Variants in FGF13 observed in about 807,000 individuals in gnomAD.
The protein encoded by FGF13 is fibroblast growth factor homologous factor 2.
In FGF13, 2 loss-of-function variants were observed where a neutral mutation model predicts 19.5. The observed-to-expected ratio is 0.10, with a 90% CI of 0.04 to 0.32. The LOEUF (loss-of-function observed/expected upper bound fraction) is 0.32, where lower values mean the gene tolerates loss of function less well. Ranked by LOEUF, FGF13 falls within the 10% of genes least tolerant of loss-of-function variation. The probability of loss-of-function intolerance (pLI) is 1.00; values close to 1 mark genes in which losing one functional copy is unlikely to be tolerated. For synonymous variants in FGF13, 72 were observed against 76.9 expected, an observed-to-expected ratio of 0.94 and a Z score of 0.33; for missense variants, 113 against 192.7, an observed-to-expected ratio of 0.59 and a Z score of 2.45.
chrX:138,984,566 GA>G (rs1262049356), intron 1 of FGF13, among the ~76,000 whole-genome samples: 1 of 48,070 alleles, frequency 2.1e-5, no homozygotes, highest in African/African-American at 7.7e-5. Flanking sequence ...AGAAGAAGAA[GA>G]AGAAGAAGAA....
intron 3 of FGF13, among the ~76,000 whole-genome samples, chrX:138,760,756 C>T (rs1385700239): frequency 6.3e-5 from 7 of 111,921 alleles, no homozygotes; most frequent in Admixed American, 9.5e-5. Context: ...CTCCAGCTTT[C>T]TTTCCTCTTG....
intron 1 of FGF13, among the ~76,000 whole-genome samples, chrX:138,878,395 T>C (rs2091403819): frequency 9.9e-6 from 1 of 101,372 alleles, no homozygotes; most frequent in African/African-American, 3.7e-5. Context: ...AGTGAGAACA[T>C]GCGGTGTTTG....
intron 3 of FGF13, among the ~76,000 whole-genome samples, chrX:138,751,432 C>T (rs1265649152): frequency 9.0e-6 from 1 of 111,290 alleles, no homozygotes; most frequent in African/African-American, 3.3e-5. Context: ...TGGAGGGTAA[C>T]TCTATGTCTC....
intron 3 of FGF13, among the ~76,000 whole-genome samples, chrX:138,830,681 G>A (rs1335297311): frequency 1.2e-5 from 1 of 81,758 alleles, no homozygotes; most frequent in African/African-American, 4.9e-5. Context: ...GAGTGAAAAG[G>A]GGTGTTTGTG....
rs982738056 is a variant in FGF13, at chrX:138,620,341, C to T, written c.*12509G>A. On this transcript the variant is annotated 3_prime_UTR_variant, in exon 5 of 5. Transcript: ENST00000315930. ...GGGGGGTGGGGTGTGGGGAGAGATA[C>T]TATTAGGAAAAATAGCTAATGCATG... 1 of 110,769 alleles carries T rather than the reference C, an allele frequency of 9.0e-6. No individual in the cohort carries two copies. The highest frequency in any genetic ancestry group is 1.9e-5 in the Non-Finnish European group (1 of 52,874). The allele number at this position is 110,769 out of a possible 1,213,427, so 9.1% of individuals were successfully genotyped here. A position where few individuals can be genotyped will look rare whatever the true frequency, so the allele number is the denominator to read the frequency against.
At chrX:139,188,185 A>G (rs769933494) in intron 1 of FGF13, among the ~76,000 whole-genome samples, 3 of 111,746 alleles carry the variant, frequency 2.7e-5, no homozygotes, top group Non-Finnish European at 5.6e-5. Context: ...ACTCTTCCTC[A>G]TTGGTGTTTC....
intron 1 of FGF13, among the ~76,000 whole-genome samples, chrX:139,103,584 CAT>C (rs1440025960): frequency 1.8e-5 from 2 of 111,853 alleles, no homozygotes; most frequent in African/African-American, 3.2e-5. Flanking sequence ...TCTTTTTTGA[CAT>C]GTTAATGTTC....
At chrX:139,181,152 T>G (rs897579889) in intron 1 of FGF13, among the ~76,000 whole-genome samples, 1 of 112,263 alleles carries the variant, frequency 8.9e-6, no homozygotes. Flanking sequence ...GAAGCAGATG[T>G]GCAATAAAAT....
chrX:139,187,670 C>T (rs909955494), intron 1 of FGF13, among the ~76,000 whole-genome samples: 6 of 112,158 alleles, frequency 5.3e-5, no homozygotes, highest in Non-Finnish European at 9.4e-5. Flanking sequence ...GTTTTGTTCA[C>T]AATCAGCATT....
intron 3 of FGF13, among the ~76,000 whole-genome samples, chrX:138,747,749 C>A (rs1322054230): frequency 9.0e-6 from 1 of 111,390 alleles, no homozygotes; most frequent in Non-Finnish European, 1.9e-5. Flanking sequence ...TATTCTCAAC[C>A]CATCTATCAG....
At chrX:138,722,323 TGAATAA>T (rs2090152865) in intron 1 of FGF13, among the ~76,000 whole-genome samples, 2 of 111,725 alleles carry the variant, frequency 1.8e-5, no homozygotes, top group African/African-American at 6.5e-5. Context: ...AGTATCTATT[TGAATAA>T]TCTCCCATCA....
chrX:138,793,073 C>A (rs958726487), intron 3 of FGF13, among the ~76,000 whole-genome samples: 4 of 111,131 alleles, frequency 3.6e-5, no homozygotes, highest in Non-Finnish European at 7.5e-5. Flanking sequence ...GGAAGTGATG[C>A]GAAGACAGGT....
At position 138,847,574 on chromosome X, in the gene FGF13, CT is replaced by C. The variant is rs1319144830; in HGVS notation, c.217+9937del. On this transcript the variant is annotated intron_variant, in intron 3 of 6. Coordinates refer to the FGF13 transcript ENST00000436198. ...CTGTGAGGCAAGACAAGGGCAAGTG[CT>C]GATAAAATGCAGAATATAATGTCTC... Among the ~76,000 whole-genome samples the C allele has an allele frequency of 2.7e-5, 3 of 111,790 alleles. 1 individual carries two copies. The Admixed American group carries it at 2.9e-4, about 11-fold the overall frequency.
chrX:138,690,536 T>C (rs749848219), intron 3 of FGF13, among the ~76,000 whole-genome samples: 1 of 109,667 alleles, frequency 9.1e-6, no homozygotes, highest in South Asian at 3.9e-4. Context: ...TTTTTCTGAG[T>C]CACACATATA....
chrX:139,158,007 G>A (rs999639198), intron 1 of FGF13, among the ~76,000 whole-genome samples: 15 of 111,913 alleles, frequency 1.3e-4, no homozygotes, highest in Middle Eastern at 9.3e-3. Flanking sequence ...GCAAGGGGGC[G>A]GGAAACTCCC....
At chrX:138,963,550 G>A (rs190119646) in intron 1 of FGF13, among the ~76,000 whole-genome samples, 87 of 112,159 alleles carry the variant, frequency 7.8e-4, no homozygotes, top group Non-Finnish European at 1.3e-3. Flanking sequence ...TTGCTATGCA[G>A]TTATCTGACC....
chrX:139,073,223 TC>T (rs1323007689), intron 1 of FGF13, among the ~76,000 whole-genome samples: 3 of 107,794 alleles, frequency 2.8e-5, no homozygotes, highest in African/African-American at 1.0e-4. Flanking sequence ...TCTACAAAAC[TC>T]ACGAACACTT....
chrX:139,002,392 T>C (rs981608691), intron 1 of FGF13, among the ~76,000 whole-genome samples: 1 of 111,558 alleles, frequency 9.0e-6, no homozygotes, highest in East Asian at 2.8e-4. Flanking sequence ...TTTTTAAATA[T>C]GGAACTTTAA....
intron 1 of FGF13, among the ~76,000 whole-genome samples, chrX:139,153,591 T>C (rs1397934586): frequency 9.0e-6 from 1 of 111,334 alleles, no homozygotes; most frequent in Non-Finnish European, 1.9e-5. Flanking sequence ...TTCCCTTCTT[T>C]AAAATTTAAA....
Sources: allele counts gnomAD v4.1 joint callset (sites outside exome capture counted in the v4.1 genomes callset), GRCh38; gene constraint gnomAD v4.1.1; transcripts MANE v1.5; gene names NCBI Gene and HGNC (gene_info 2026-07-23, HGNC 2026-07-21).